The following PABPC4L variants were observed in gnomAD, a reference collection of about 807,000 sequenced individuals.
PABPC4L encodes poly(A) binding protein cytoplasmic 4 like, also known as polyadenylate-binding protein 4-like.
For synonymous variants in PABPC4L, 169 were observed against 164.1 expected, an observed-to-expected ratio of 1.03 and a Z score of -0.23; for missense variants, 452 against 451.4, an observed-to-expected ratio of 1.00 and a Z score of -0.01.
chr4:134,133,906 T>C, the PABPC4L span, among the ~76,000 whole-genome samples: 1 of 152,070 alleles, frequency 6.6e-6, no homozygotes, highest in Admixed American at 6.6e-5. Flanking sequence ...TTAGTTGTGC[T>C]TTTTATTAAG....
chr4:134,166,990 T>C, the PABPC4L span, among the ~76,000 whole-genome samples: 1 of 152,190 alleles, frequency 6.6e-6, no homozygotes, highest in East Asian at 1.9e-4. Context: ...TCTATTTGGC[T>C]TTCTGTTCTT....
At chr4:134,040,645 C>T in the PABPC4L span, among the ~76,000 whole-genome samples, 2 of 152,098 alleles carry the variant, frequency 1.3e-5, no homozygotes, top group African/African-American at 2.4e-5. Flanking sequence ...CTAGGCAATA[C>T]CATTCAGGAC....
chr4:134,051,716 G>T, the PABPC4L span, among the ~76,000 whole-genome samples: 1 of 152,096 alleles, frequency 6.6e-6, no homozygotes, highest in Non-Finnish European at 1.5e-5. Context: ...CTGAAGTTTA[G>T]ATTGATTGCC....
chr4:134,027,959 TAA>T, the PABPC4L span, among the ~76,000 whole-genome samples: 1 of 152,152 alleles, frequency 6.6e-6, no homozygotes, highest in Non-Finnish European at 1.5e-5. Flanking sequence ...TAAATTGTTC[TAA>T]GTTACTAAGT....
the PABPC4L span, among the ~76,000 whole-genome samples, chr4:133,964,214 C>G: frequency 1.3e-5 from 2 of 151,734 alleles, no homozygotes; most frequent in Non-Finnish European, 2.9e-5. Flanking sequence ...AAACTTGAAA[C>G]GTAGAAGAGA....
At chr4:134,136,759 G>T in the PABPC4L span, among the ~76,000 whole-genome samples, 1 of 152,116 alleles carries the variant, frequency 6.6e-6, no homozygotes, top group Admixed American at 6.6e-5. Flanking sequence ...CTGTGACAGT[G>T]ATTAGATTTT....
chr4:134,131,070 C>A, the PABPC4L span, among the ~76,000 whole-genome samples: 2 of 151,996 alleles, frequency 1.3e-5, no homozygotes, highest in African/African-American at 4.8e-5. Context: ...CTATGACAAA[C>A]CCACAGCCAA....
chr4:134,059,943 A>C, the PABPC4L span, among the ~76,000 whole-genome samples: 1 of 152,146 alleles, frequency 6.6e-6, no homozygotes, highest in Non-Finnish European at 1.5e-5. Flanking sequence ...AGCACTGAAA[A>C]GCACAGGGAA....
the PABPC4L span, among the ~76,000 whole-genome samples, chr4:133,970,075 AATAT>A: frequency 8.1e-6 from 1 of 123,958 alleles, no homozygotes; most frequent in Non-Finnish European, 1.8e-5. Context: ...ATATTTAAAA[AATAT>A]ATATATTTAA....
At chr4:134,125,899 G>C in the PABPC4L span, among the ~76,000 whole-genome samples, 1 of 151,986 alleles carries the variant, frequency 6.6e-6, no homozygotes, top group East Asian at 1.9e-4. Flanking sequence ...TTCACACACA[G>C]AGCTATTAAC....
the PABPC4L span, among the ~76,000 whole-genome samples, chr4:134,074,648 T>A: frequency 6.6e-6 from 1 of 152,152 alleles, no homozygotes; most frequent in African/African-American, 2.4e-5. Context: ...TACCCAACAC[T>A]GGGTAATTTA....
chr4:133,974,770 C>T, the PABPC4L span, among the ~76,000 whole-genome samples: 2 of 151,960 alleles, frequency 1.3e-5, no homozygotes, highest in South Asian at 2.1e-4. Context: ...TGCAAATATG[C>T]TTAAGAAAAT....
At chr4:134,073,285 C>A in the PABPC4L span, among the ~76,000 whole-genome samples, 1 of 152,184 alleles carries the variant, frequency 6.6e-6, no homozygotes, top group Non-Finnish European at 1.5e-5. Flanking sequence ...AATTAAGGGG[C>A]TATAGGCCCC....
At chr4:134,151,996 ATAT>A in the PABPC4L span, among the ~76,000 whole-genome samples, 1 of 151,812 alleles carries the variant, frequency 6.6e-6, no homozygotes, top group Non-Finnish European at 1.5e-5. Context: ...ATCAATTTAG[ATAT>A]TATTATTTTT....
chr4:134,163,208 T>C, the PABPC4L span, among the ~76,000 whole-genome samples: 1 of 152,098 alleles, frequency 6.6e-6, no homozygotes, highest in African/African-American at 2.4e-5. Context: ...CAAAAGATCA[T>C]TTGAGACTGC....
the PABPC4L span, among the ~76,000 whole-genome samples, chr4:134,082,976 G>T: frequency 2.0e-5 from 3 of 152,116 alleles, no homozygotes; most frequent in African/African-American, 7.2e-5. Flanking sequence ...CATGAGCACT[G>T]GGGTTAGCAT....
rs1729720041 is a variant in PABPC4L at position 134,198,045 on chromosome 4, A to C, written c.*1862T>G. 6.6e-6 allele frequency: 1 copy of C among 151,816 alleles called. No individual in the cohort carries two copies. The highest frequency in any genetic ancestry group is 2.1e-4 in the South Asian group (1 of 4,836). The allele number at this position is 151,816 out of a possible 1,614,324, so 9.4% of individuals were successfully genotyped here. ...ACAGAGGAAGAAGAAAAAAGGAAGA[A>C]ATTATCTAGCAACAAGAAGTTTATC... On this transcript the variant is annotated 3_prime_UTR_variant, in exon 2 of 2. Coordinates refer to ENST00000421491, the MANE Select transcript of PABPC4L (RefSeq NM_001114734.2).
chr4:134,119,894 T>C, the PABPC4L span, among the ~76,000 whole-genome samples: 1 of 151,884 alleles, frequency 6.6e-6, no homozygotes, highest in African/African-American at 2.4e-5. Context: ...ATCTAGTTCT[T>C]GTAGCAGTAT....
the PABPC4L span, among the ~76,000 whole-genome samples, chr4:134,082,455 T>C: frequency 6.6e-6 from 1 of 152,176 alleles, no homozygotes; most frequent in African/African-American, 2.4e-5. Context: ...GTATTCTCTG[T>C]TCTAACAGTT....
Sources: gnomAD v4.1 joint callset for allele counts (sites outside exome capture counted in the v4.1 genomes callset) on GRCh38, gnomAD v4.1.1 for gene constraint, MANE v1.5 for transcripts, NCBI Gene and HGNC (gene_info 2026-07-23, HGNC 2026-07-21) for gene names.